Variants in ZNF589 observed in about 807,000 individuals in gnomAD.
ZNF589 encodes KRAB-zinc finger protein SZF1-1.
In ZNF589, 17 loss-of-function variants were observed where a neutral mutation model predicts 13.6. The observed-to-expected ratio is 1.25, with a 90% CI of 0.86 to 1.88. ZNF589 has a LOEUF of 1.88. ZNF589 is among the 40% of genes most tolerant of loss of function. The pLI, the probability that ZNF589 is intolerant of heterozygous loss-of-function variation, is 0.00. For synonymous variants in ZNF589, 148 were observed against 161.6 expected (o/e 0.92, Z 0.64); for missense variants, 407 against 434.0 (o/e 0.94, Z 0.55).
Position 48,269,359 on chromosome 3 carries a change from T to C in ZNF589, c.*573T>C. The C allele has an allele frequency of 1.0e-6, 1 of 954,490 alleles. No homozygotes were observed. Among genetic ancestry groups the C allele is most frequent in the Non-Finnish European group, 1.5e-6 (1 of 645,744 alleles). 59.1% of individuals were successfully genotyped at this position (954,490 alleles called of 1,614,324 possible). ...GTACACACTCCAAGGAAAAACCTTATGTGTGCAGCCAGTGTGGGCGAGGCT... is the reference window on the plus strand; with the variant it reads ...GTACACACTCCAAGGAAAAACCTTACGTGTGCAGCCAGTGTGGGCGAGGCT... On this transcript the variant is annotated 3_prime_UTR_variant, in exon 4 of 4. Coordinates refer to ENST00000354698, the MANE Select transcript of ZNF589 (RefSeq NM_016089.3).
chr3:48,247,621 C>T lies in ZNF589; in HGVS notation c.44-4C>T. Reference sequence around the variant, plus strand: ...TTCTCAAGGTTGCTTCTTTCTTTCCCCAGCTCTGCCTGCCAAGGATTCTGC... The same window carrying T: ...TTCTCAAGGTTGCTTCTTTCTTTCCTCAGCTCTGCCTGCCAAGGATTCTGC... On this transcript the variant is annotated splice_polypyrimidine_tract_variant and splice_region_variant and intron_variant, in intron 1 of 3. Coordinates refer to ENST00000354698, the MANE Select transcript of ZNF589 (RefSeq NM_016089.3). 1 of 1,611,756 alleles carries T rather than the reference C, an allele frequency of 6.2e-7. No individual in the cohort carries two copies. Among genetic ancestry groups the T allele is most frequent in the Non-Finnish European group, 8.5e-7 (1 of 1,178,966 alleles).
intron 3 of ZNF589, among the ~76,000 whole-genome samples, chr3:48,261,327 T>C (rs2033968073): frequency 1.3e-5 from 2 of 151,594 alleles, no homozygotes; most frequent in Non-Finnish European, 2.9e-5. Context: ...GGTGAGGAGG[T>C]TGGATATGTG....
rs2033689958 is a variant in ZNF589, at chr3:48,241,137, T to C, written c.-35T>C. The C allele has an allele frequency of 6.2e-7, 1 of 1,607,996 alleles. No individual in the cohort carries two copies. Among genetic ancestry groups the C allele is most frequent in the Non-Finnish European group, 8.5e-7 (1 of 1,177,318 alleles). ...TAATCCGTTTCACACACGGTGCTGCTACCTCGTTTGCTTCGTGCGTGCGTG... is the reference window on the plus strand; with the variant it reads ...TAATCCGTTTCACACACGGTGCTGCCACCTCGTTTGCTTCGTGCGTGCGTG... On this transcript the variant is annotated 5_prime_UTR_variant, in exon 1 of 4. Transcript: ENST00000354698.
intron 3 of ZNF589, among the ~76,000 whole-genome samples, chr3:48,262,393 G>A (rs1411110319): frequency 6.6e-6 from 1 of 151,892 alleles, no homozygotes; most frequent in African/African-American, 2.4e-5. Flanking sequence ...GTTTCACCAT[G>A]TTAGCCAGTC....
intron 2 of ZNF589, among the ~76,000 whole-genome samples, chr3:48,252,790 T>A (rs2033854142): frequency 6.6e-6 from 1 of 151,074 alleles, no homozygotes; most frequent in African/African-American, 2.4e-5. Flanking sequence ...GCCCGGCTAA[T>A]TTTTTATATT....
At chr3:48,264,531 T>TA (rs1019006675) in intron 3 of ZNF589, among the ~76,000 whole-genome samples, 9 of 139,154 alleles carry the variant, frequency 6.5e-5, no homozygotes, top group African/African-American at 8.1e-5. Flanking sequence ...AGACTATGTC[T>TA]AAAAAAAAAT....
At chr3:48,241,238 C>G (rs759445595) in intron 1 of ZNF589, 24 bp downstream of exon 1, 1 of 1,608,210 alleles carries the variant, frequency 6.2e-7, no homozygotes, top group East Asian at 2.2e-5. Context: ...GCGAGATCGC[C>G]TCCCCCATTC....
chr3:48,263,363 G>A (rs978721393), intron 3 of ZNF589, among the ~76,000 whole-genome samples: 4 of 152,144 alleles, frequency 2.6e-5, no homozygotes, highest in African/African-American at 9.7e-5. Context: ...GCCTGCCTCC[G>A]CCTCCCAAAG....
chr3:48,269,187 C>T lies in ZNF589; in HGVS notation c.*401C>T. On this transcript the variant is annotated 3_prime_UTR_variant, in exon 4 of 4. Transcript: ENST00000354698. ...CAGAGGATACACTCTGGGGAGAAGC[C>T]TTATGCATGCACGGAGTGTGGGCAA... 1 of 1,151,386 alleles carries T rather than the reference C, an allele frequency of 8.7e-7. No homozygotes were observed. The highest frequency in any genetic ancestry group is 1.3e-6 in the Non-Finnish European group (1 of 793,446). The allele number at this position is 1,151,386 out of a possible 1,614,324, so 71.3% of individuals were successfully genotyped here. A position where few individuals can be genotyped will look rare whatever the true frequency, so the allele number is the denominator to read the frequency against.
chr3:48,258,184 T>C (rs2033930276), intron 2 of ZNF589, among the ~76,000 whole-genome samples: 1 of 152,144 alleles, frequency 6.6e-6, no homozygotes, highest in Non-Finnish European at 1.5e-5. Context: ...TTTATCTAGA[T>C]CTTTGATTTT....
intron 2 of ZNF589, among the ~76,000 whole-genome samples, chr3:48,254,000 G>A (rs2033869031): frequency 6.6e-6 from 1 of 152,134 alleles, no homozygotes; most frequent in South Asian, 2.1e-4. Flanking sequence ...TGCCGTGGGA[G>A]GATCACTTGA....
chr3:48,248,576 A>G (rs1024492996), intron 2 of ZNF589, among the ~76,000 whole-genome samples: 11 of 152,182 alleles, frequency 7.2e-5, no homozygotes, highest in African/African-American at 2.7e-4. Context: ...CTATACCAGA[A>G]ATTTAATTTA....
At position 48,268,350 on chromosome 3, in the gene ZNF589, G is replaced by C; in HGVS notation, c.659G>C (p.Cys220Ser). Residue 220 changes from cysteine to serine, a missense_variant, in exon 4 of 4, where the codon TGT becomes TCT. Cys to Ser is a moderately radical substitution (Grantham distance 112). Transcript: ENST00000354698. ...TTTGGAGCAGTCACGTTTGGGGAGTGTGCACTAGCTTTTAACCAGAAGTCA... is the reference window on the plus strand; with the variant it reads ...TTTGGAGCAGTCACGTTTGGGGAGTCTGCACTAGCTTTTAACCAGAAGTCA... ...PGFGAVTFGECALAFNQKSNL... is the reference protein window; with the variant it reads ...PGFGAVTFGESALAFNQKSNL... 6.2e-7 allele frequency: 1 copy of C among 1,614,202 alleles called. No individual in the cohort carries two copies. Among genetic ancestry groups the C allele is most frequent in the East Asian group, 2.2e-5 (1 of 44,886 alleles).
rs1464850472 is a variant in ZNF589, at chr3:48,268,279, C to T, written c.588C>T (p.Ser196=). ...EIQLSPAQNA[S]SEEVDRISKR... ...AGCTCAGTCCAGCCCAGAATGCAAG[C>T]TCTGAGGAAGTAGACAGAATTTCCA... Residue 196 remains serine, a synonymous_variant, in exon 4 of 4, where the codon AGC becomes AGT. Transcript: ENST00000354698. 3 of 1,611,938 alleles carry T rather than the reference C, an allele frequency of 1.9e-6. No individual in the cohort carries two copies. The highest frequency in any genetic ancestry group is 1.7e-6 in the Non-Finnish European group (2 of 1,178,686).
At chr3:48,255,491 T>A (rs2033888906) in intron 2 of ZNF589, among the ~76,000 whole-genome samples, 1 of 141,130 alleles carries the variant, frequency 7.1e-6, no homozygotes, top group Non-Finnish European at 1.5e-5. Context: ...TTTTTACTTT[T>A]TTTTTTTTTT....
intron 1 of ZNF589, among the ~76,000 whole-genome samples, chr3:48,245,219 A>AGCC (rs2033747192): frequency 6.6e-6 from 1 of 151,962 alleles, no homozygotes; most frequent in Admixed American, 6.6e-5. Context: ...GGCTCAAATG[A>AGCC]TCCTGCCACT....
At chr3:48,258,200 C>T (rs2033930443) in intron 2 of ZNF589, among the ~76,000 whole-genome samples, 1 of 151,470 alleles carries the variant, frequency 6.6e-6, no homozygotes, top group African/African-American at 2.4e-5. Context: ...ATTTTTTTTT[C>T]CATTGGCATT....
Position 48,256,346 on chromosome 3 carries a change from G to C in ZNF589, c.97-4467G>C. The C allele has an allele frequency of 3.2e-5, 17 of 530,704 alleles. 1 individual carries two copies. Among genetic ancestry groups the C allele is most frequent in the South Asian group, 2.5e-4 (17 of 69,128 alleles). The allele number at this position is 530,704 out of a possible 1,614,324, so 32.9% of individuals were successfully genotyped here. A position where few individuals can be genotyped will look rare whatever the true frequency, so the allele number is the denominator to read the frequency against. Reference sequence around the variant, plus strand: ...AGGAACTCTGGAAGCTCTTCTGTCTGTGAGTGATACAGCTTCCAAGGTGTC... The same window carrying C: ...AGGAACTCTGGAAGCTCTTCTGTCTCTGAGTGATACAGCTTCCAAGGTGTC... On this transcript the variant is annotated intron_variant, in intron 2 of 3. Coordinates refer to ENST00000354698, the MANE Select transcript of ZNF589 (RefSeq NM_016089.3).
chr3:48,247,511 TG>T, intron 1 of ZNF589, 113 bp from the exon 2 acceptor site: 1 of 1,081,532 alleles, frequency 9.2e-7, no homozygotes. Flanking sequence ...GCTCAGGGTC[TG>T]GGTCAGCTGA....
Sources: allele counts gnomAD v4.1 joint callset (sites outside exome capture counted in the v4.1 genomes callset), GRCh38; gene constraint gnomAD v4.1.1; transcripts MANE v1.5; gene names NCBI Gene and HGNC (gene_info 2026-07-23, HGNC 2026-07-21).